Variants in CHRM3 observed in about 807,000 individuals in gnomAD.
The protein encoded by CHRM3 is cholinergic receptor muscarinic 3.
A neutral mutation model predicts 41.8 loss-of-function variants in CHRM3; 11 were observed. The ratio of observed to expected loss-of-function variants is 0.26; its 90% CI spans 0.17 to 0.44. The LOEUF is 0.44. Among genes scored for constraint, CHRM3 ranks in the 20% least tolerant of loss-of-function variants. CHRM3 has a pLI of 1.00. For synonymous variants in CHRM3, 297 were observed against 301.4 expected (o/e 0.99, Z 0.15); for missense variants, 571 against 745.4 (o/e 0.77, Z 2.72).
chr1:239,550,194 C>T (rs576300981), intron 3 of CHRM3, among the ~76,000 whole-genome samples: 3 of 152,220 alleles, frequency 2.0e-5, no homozygotes, highest in Non-Finnish European at 2.9e-5. Context: ...ATGTACTGTC[C>T]GTTAATCAAA....
In CHRM3 at chr1:239,902,739, G is replaced by A. The variant is rs150049075; in HGVS notation, c.-19-4694G>A. Reference sequence around the variant, plus strand: ...GTTCTTAGAAGGAAACCCAAGGGTAGCATTAGGACTGCCATGGTTATTGAC... The same window carrying A: ...GTTCTTAGAAGGAAACCCAAGGGTAACATTAGGACTGCCATGGTTATTGAC... On this transcript the variant is annotated intron_variant, in intron 6 of 6. Coordinates refer to ENST00000676153, the MANE Select transcript of CHRM3 (RefSeq NM_001375978.1). 9.0e-3 allele frequency among the ~76,000 whole-genome samples: 1,366 copies of A among 152,238 alleles called. 10 individuals are homozygous for A. The highest frequency in any genetic ancestry group is 0.013 in the Non-Finnish European group (912 of 68,002).
intron 6 of CHRM3, among the ~76,000 whole-genome samples, chr1:239,899,260 C>T (rs1423326190): frequency 6.8e-6 from 1 of 147,560 alleles, no homozygotes; most frequent in Non-Finnish European, 1.5e-5. Context: ...CTAATTGGCT[C>T]TTGCATTTTG....
intron 6 of CHRM3, among the ~76,000 whole-genome samples, chr1:239,864,291 G>A (rs1005310182): frequency 3.9e-5 from 6 of 152,118 alleles, no homozygotes; most frequent in Non-Finnish European, 5.9e-5. Flanking sequence ...CAGATCACCC[G>A]AGGTCGAGAG....
rs181619543 is a variant in CHRM3, at chr1:239,476,547, C to T, written c.-520-16162C>T. Among the ~76,000 whole-genome samples the T allele has an allele frequency of 2.0e-4, 31 of 151,908 alleles. No individual in the cohort carries two copies. The East Asian group carries it at 4.5e-3, about 22-fold the overall frequency. Reference sequence around the variant, plus strand: ...CTGAATGACTTGATTATGTTCACATCGTTGTCAAATTGCAGAAATCTGTGC... The same window carrying T: ...CTGAATGACTTGATTATGTTCACATTGTTGTCAAATTGCAGAAATCTGTGC... On this transcript the variant is annotated intron_variant, in intron 1 of 6. Coordinates refer to ENST00000676153, the MANE Select transcript of CHRM3 (RefSeq NM_001375978.1).
chr1:239,804,802 T>A (rs1010858452), intron 5 of CHRM3, among the ~76,000 whole-genome samples: 1 of 152,220 alleles, frequency 6.6e-6, no homozygotes, highest in South Asian at 2.1e-4. Flanking sequence ...TCGCATTGAC[T>A]GTTTTCTGTG....
At chr1:239,510,763 C>T (rs972610956) in intron 2 of CHRM3, among the ~76,000 whole-genome samples, 2 of 151,796 alleles carry the variant, frequency 1.3e-5, no homozygotes, top group Admixed American at 6.6e-5. Flanking sequence ...CTTGAACTCC[C>T]GACCTCAGCT....
In CHRM3 at chr1:239,641,905, G is replaced by A. The variant is rs1322386192; in HGVS notation, c.-250+9619G>A. 3.5e-4 allele frequency among the ~76,000 whole-genome samples: 45 copies of A among 127,298 alleles called. 10 individuals carry two copies. The highest frequency in any genetic ancestry group is 4.5e-4 in the Non-Finnish European group (27 of 60,044). The allele number at this position is 127,298 out of a possible 152,430, so 83.5% of individuals were successfully genotyped here. A position where few individuals can be genotyped will look rare whatever the true frequency, so the allele number is the denominator to read the frequency against. The stretch of plus-strand genomic sequence containing the variant: ...GCGTGATTTTGCAGTGGCTGGTACC[G>A]GTTGTTCCTTTCCGTGTTTAGTGCT... On this transcript the variant is annotated intron_variant, in intron 4 of 6. Transcript: ENST00000676153.
chr1:239,815,960 G>T (rs1225428642), intron 5 of CHRM3, among the ~76,000 whole-genome samples: 1 of 152,136 alleles, frequency 6.6e-6, no homozygotes, highest in African/African-American at 2.4e-5. Flanking sequence ...TTCTGGGTCA[G>T]TGTAGTTCAT....
chr1:239,486,928 A>G (rs1034524941), intron 1 of CHRM3, among the ~76,000 whole-genome samples: 3 of 152,208 alleles, frequency 2.0e-5, no homozygotes, highest in Non-Finnish European at 4.4e-5. Flanking sequence ...AGTAATATTG[A>G]TTAAATGAAA....
At chr1:239,809,089 G>A (rs1397420125) in intron 5 of CHRM3, among the ~76,000 whole-genome samples, 3 of 144,022 alleles carry the variant, frequency 2.1e-5, no homozygotes, top group Non-Finnish European at 4.5e-5. Context: ...GCGCAATCTC[G>A]GCTCACTGCA....
At chr1:239,620,010 G>A (rs1010251881) in intron 3 of CHRM3, among the ~76,000 whole-genome samples, 6 of 152,130 alleles carry the variant, frequency 3.9e-5, no homozygotes, top group Non-Finnish European at 5.9e-5. Context: ...AAATCAAGGA[G>A]CTTCAGGACT....
intron 5 of CHRM3, among the ~76,000 whole-genome samples, chr1:239,771,795 C>T (rs1262765320): frequency 6.6e-6 from 1 of 152,224 alleles, no homozygotes; most frequent in Non-Finnish European, 1.5e-5. Flanking sequence ...ATTTGGCCTA[C>T]AGGCCCATAG....
In CHRM3 at chr1:239,386,936, G is replaced by T. The variant is rs1658555925; in HGVS notation, c.-812G>T. On this transcript the variant is annotated 5_prime_UTR_variant, in exon 1 of 7. Coordinates refer to ENST00000676153, the MANE Select transcript of CHRM3 (RefSeq NM_001375978.1). The stretch of plus-strand genomic sequence containing the variant: ...CGGAGGCGGCATGTGACGCGCGGCC[G>T]CAGCTGCCCGCGGGCGGAGCGCTCT... The T allele has an allele frequency of 6.6e-6, 1 of 152,000 alleles. No homozygotes were observed. The highest frequency in any genetic ancestry group is 2.4e-5 in the African/African-American group (1 of 41,432). 9.4% of individuals were successfully genotyped at this position (152,000 alleles called of 1,614,324 possible).
intron 5 of CHRM3, among the ~76,000 whole-genome samples, chr1:239,791,317 C>T (rs935066900): frequency 3.9e-5 from 6 of 152,178 alleles, no homozygotes; most frequent in African/African-American, 1.4e-4. Context: ...GTTGGCCAGC[C>T]TTGTCTCGAA....
At chr1:239,799,456 G>C (rs1670041321) in intron 5 of CHRM3, among the ~76,000 whole-genome samples, 1 of 152,150 alleles carries the variant, frequency 6.6e-6, no homozygotes, top group South Asian at 2.1e-4. Context: ...CAGGCACTGA[G>C]ATTCAGAGGA....
intron 5 of CHRM3, among the ~76,000 whole-genome samples, chr1:239,784,025 G>T (rs1374887969): frequency 6.6e-6 from 1 of 152,188 alleles, no homozygotes; most frequent in Non-Finnish European, 1.5e-5. Context: ...CCATGTTGCT[G>T]CAAAGGACAT....
rs117299198 is a variant in CHRM3 at position 239,568,354 on chromosome 1, C to T, written c.-313+22605C>T. Among the ~76,000 whole-genome samples, 103 of 152,238 alleles carry T rather than the reference C, an allele frequency of 6.8e-4. No individual in the cohort carries two copies. In the East Asian group the frequency reaches 0.018, roughly 27 times the overall value. On this transcript the variant is annotated intron_variant, in intron 3 of 6. Transcript: ENST00000676153. ...TTCTTGTCTTAGTGAGTAAGTTTCACGAGATCTGATTGTTTTATAAGGGGA... is the reference window on the plus strand; with the variant it reads ...TTCTTGTCTTAGTGAGTAAGTTTCATGAGATCTGATTGTTTTATAAGGGGA...
intron 1 of CHRM3, among the ~76,000 whole-genome samples, chr1:239,459,701 C>T (rs923950892): frequency 1.3e-5 from 2 of 152,104 alleles, no homozygotes; most frequent in African/African-American, 4.8e-5. Context: ...CTTCTCTAAC[C>T]TAGAATTATT....
intron 1 of CHRM3, among the ~76,000 whole-genome samples, chr1:239,441,361 C>A (rs1236119303): frequency 1.3e-5 from 2 of 152,148 alleles, no homozygotes; most frequent in Non-Finnish European, 2.9e-5. Context: ...GACTATTGTA[C>A]CTTTCATCAG....
Sources: allele counts gnomAD v4.1 joint callset (sites outside exome capture counted in the v4.1 genomes callset), GRCh38; gene constraint gnomAD v4.1.1; transcripts MANE v1.5; gene names NCBI Gene and HGNC (gene_info 2026-07-23, HGNC 2026-07-21).